ZNF679: variants seen among roughly 807,000 people sequenced by gnomAD.
The protein encoded by ZNF679 is hypothetical protein MGC42415.
A neutral mutation model predicts 13.4 loss-of-function variants in ZNF679; 10 were observed. The observed-to-expected ratio is 0.75, with a 90% CI of 0.46 to 1.27. The LOEUF is 1.27. Among genes scored for constraint, ZNF679 ranks in the 50% most tolerant of loss-of-function variants. The pLI is 0.00. For synonymous variants in ZNF679, 179 were observed against 162.5 expected, an observed-to-expected ratio of 1.10 and a Z score of -0.77; for missense variants, 525 against 477.8, an observed-to-expected ratio of 1.10 and a Z score of -0.92.
chr7:64,265,902 G>A lies in ZNF679; in HGVS notation c.269G>A (p.Cys90Tyr), dbSNP rs1788137366. ...TGATTTTTATGTCTTTCAGTTATGTGTTCTCATTTCACCCAAGACCTTCCG... is the reference window on the plus strand; with the variant it reads ...TGATTTTTATGTCTTTCAGTTATGTATTCTCATTTCACCCAAGACCTTCCG... ...NEMVTKHPVM[C>Y]SHFTQDLPPE... The change falls in exon 5 of 5, where the codon TGT (cysteine) becomes TAT (tyrosine). Residue 90 changes from cysteine to tyrosine, a missense_variant. Cys to Tyr is a radical substitution (Grantham distance 194, BLOSUM62 -2). Coordinates refer to ENST00000421025, the MANE Select transcript of ZNF679 (RefSeq NM_153363.3). 6.2e-7 allele frequency: 1 copy of A among 1,612,870 alleles called. No individual in the cohort carries two copies. Among genetic ancestry groups the A allele is most frequent in the African/African-American group, 1.3e-5 (1 of 74,822 alleles).
At chr7:64,244,348 C>A (rs77540239) in intron 1 of ZNF679, among the ~76,000 whole-genome samples, 31,456 of 152,152 alleles carry the variant, frequency 0.21, 4,133 homozygotes, top group Non-Finnish European at 0.27. Context: ...TTTAGCCATG[C>A]CAAACTGCCA....
In ZNF679 at chr7:64,249,279, C is replaced by T. The variant is rs549832967; in HGVS notation, c.39+123C>T. ...CCGGAGTCTGAGGACCCAAATCCTC[C>T]TTGGCCCAGGTGGGCTGTTAGTCCC... On this transcript the variant is annotated intron_variant, in intron 2 of 4. Coordinates refer to ENST00000421025, the MANE Select transcript of ZNF679 (RefSeq NM_153363.3). 116 of 1,526,538 alleles carry T rather than the reference C, an allele frequency of 7.6e-5. No homozygotes were observed. The African/African-American group carries it at 1.4e-3, about 18-fold the overall frequency. 94.6% of individuals were successfully genotyped at this position (1,526,538 alleles called of 1,614,324 possible).
intron 1 of ZNF679, among the ~76,000 whole-genome samples, chr7:64,236,440 G>A (rs1035661892): frequency 6.6e-6 from 1 of 151,194 alleles, no homozygotes; most frequent in African/African-American, 2.4e-5. Flanking sequence ...TTGTAAAAGA[G>A]CGTTTGTGGG....
At chr7:64,235,479 C>A (rs1006007074) in intron 1 of ZNF679, among the ~76,000 whole-genome samples, 1 of 151,676 alleles carries the variant, frequency 6.6e-6, no homozygotes, top group East Asian at 2.0e-4. Context: ...ACTAAATAAT[C>A]CCAGCATTAG....
intron 1 of ZNF679, among the ~76,000 whole-genome samples, chr7:64,237,835 A>T (rs1286025448): frequency 6.6e-6 from 1 of 152,220 alleles, no homozygotes; most frequent in Non-Finnish European, 1.5e-5. Context: ...TAAATTTGAT[A>T]GAACTTTACC....
chr7:64,258,154 T>C (rs1315728248), intron 2 of ZNF679, among the ~76,000 whole-genome samples: 1 of 151,862 alleles, frequency 6.6e-6, no homozygotes, highest in Non-Finnish European at 1.5e-5. Flanking sequence ...TTAGTGGTTA[T>C]GGAGAAGCTC....
chr7:64,263,206 C>T (rs572745122), intron 4 of ZNF679, among the ~76,000 whole-genome samples: 6 of 152,076 alleles, frequency 3.9e-5, no homozygotes, highest in Non-Finnish European at 7.4e-5. Context: ...ATCCTTCCAC[C>T]TTGGCCTCCT....
At chr7:64,248,184 C>T (rs937327628) in intron 1 of ZNF679, among the ~76,000 whole-genome samples, 7 of 152,116 alleles carry the variant, frequency 4.6e-5, no homozygotes, top group African/African-American at 1.7e-4. Context: ...TTTAAAATAT[C>T]TTGAGAGCTC....
intron 1 of ZNF679, among the ~76,000 whole-genome samples, chr7:64,236,761 G>A (rs1045403163): frequency 1.3e-5 from 2 of 148,358 alleles, no homozygotes; most frequent in East Asian, 2.0e-4. Context: ...CAGCCTGGGC[G>A]ACAAGAGTGA....
intron 2 of ZNF679, among the ~76,000 whole-genome samples, chr7:64,256,655 CAT>C (rs796461025): frequency 3.2e-4 from 48 of 150,454 alleles, no homozygotes; most frequent in African/African-American, 1.1e-3. Context: ...TTTTATCTAT[CAT>C]ATTAATTTTT....
chr7:64,245,247 A>C (rs985562737), intron 1 of ZNF679, among the ~76,000 whole-genome samples: 1 of 152,072 alleles, frequency 6.6e-6, no homozygotes, highest in Non-Finnish European at 1.5e-5. Flanking sequence ...GCTGGTCTTG[A>C]ACCCCCCCAC....
At chr7:64,252,716 T>C (rs891456420) in intron 2 of ZNF679, among the ~76,000 whole-genome samples, 4 of 152,190 alleles carry the variant, frequency 2.6e-5, no homozygotes, top group Non-Finnish European at 5.9e-5. Flanking sequence ...TCCTGTTATC[T>C]TATTTTTATT....
chr7:64,243,050 G>A (rs889372455), intron 1 of ZNF679, among the ~76,000 whole-genome samples: 1 of 152,156 alleles, frequency 6.6e-6, no homozygotes, highest in South Asian at 2.1e-4. Context: ...GGGTGTGCCT[G>A]TAAGAGTCAC....
intron 3 of ZNF679, 50 bp downstream of exon 3, chr7:64,260,397 T>G: frequency 1.3e-6 from 2 of 1,548,402 alleles, no homozygotes; most frequent in Non-Finnish European, 1.7e-6. Flanking sequence ...TTTCTCTCTT[T>G]TCTAAAATGT....
chr7:64,256,448 G>C (rs62461247), intron 2 of ZNF679, among the ~76,000 whole-genome samples: 1 of 151,904 alleles, frequency 6.6e-6, no homozygotes, highest in African/African-American at 2.4e-5. Context: ...GGGATTGCTG[G>C]GTCAAATGGT....
intron 4 of ZNF679, among the ~76,000 whole-genome samples, chr7:64,264,612 T>C (rs2115618643): frequency 6.6e-6 from 1 of 152,266 alleles, no homozygotes; most frequent in East Asian, 1.9e-4. Flanking sequence ...TTATTTTTTC[T>C]TTATTTTGTA....
intron 1 of ZNF679, among the ~76,000 whole-genome samples, chr7:64,243,487 G>A (rs1787826584): frequency 6.6e-6 from 1 of 152,162 alleles, no homozygotes; most frequent in African/African-American, 2.4e-5. Context: ...TGGGCCCAGT[G>A]ATATGTAACC....
intron 1 of ZNF679, among the ~76,000 whole-genome samples, chr7:64,244,730 G>A (rs571224413): frequency 6.6e-6 from 1 of 152,234 alleles, no homozygotes; most frequent in South Asian, 2.1e-4. Context: ...CCTGAACTCG[G>A]GCTGCCACTG....
intron 2 of ZNF679, among the ~76,000 whole-genome samples, chr7:64,257,191 A>C (rs1419521095): frequency 6.6e-6 from 1 of 152,170 alleles, no homozygotes; most frequent in African/African-American, 2.4e-5. Context: ...GTAAATTGAG[A>C]TCTTTCTAAC....
Sources: gnomAD v4.1 joint callset for allele counts (sites outside exome capture counted in the v4.1 genomes callset) on GRCh38, gnomAD v4.1.1 for gene constraint, MANE v1.5 for transcripts, NCBI Gene and HGNC (gene_info 2026-07-23, HGNC 2026-07-21) for gene names.